The following IL17RC variants were observed in gnomAD, a reference collection of about 807,000 sequenced individuals.
IL17RC encodes the protein interleukin-17 receptor C.
Under a neutral mutation model 86.7 loss-of-function variants are expected in IL17RC, and 53 were observed. The observed-to-expected ratio is 0.61, with a 90% CI of 0.49 to 0.77. IL17RC has a LOEUF of 0.77. IL17RC is among the 30% of genes least tolerant of loss of function. The probability of loss-of-function intolerance (pLI) is 0.00; values close to 1 mark genes in which losing one functional copy is unlikely to be tolerated. For synonymous variants in IL17RC, 439 were observed against 413.1 expected, an observed-to-expected ratio of 1.06 and a Z score of -0.76; for missense variants, 957 against 940.0, an observed-to-expected ratio of 1.02 and a Z score of -0.24.
At chr3:9,928,271 C>T in intron 10 of IL17RC, 34 bp from the exon 11 acceptor site, 1 of 1,613,548 alleles carries the variant, frequency 6.2e-7, no homozygotes, top group African/African-American at 1.3e-5. Context: ...GCGATGGGTA[C>T]CTGGCCTGCG....
At position 9,918,272 on chromosome 3, in the gene IL17RC, G is replaced by A. The variant is rs7623885; in HGVS notation, c.281-63G>A. ...CTGGGCTTTCCAGAAGGAAGCCAAC[G>A]CCAAAGCCAGCCAGCCCAGAGCAGG... On this transcript the variant is annotated intron_variant, in intron 3 of 18. Transcript: ENST00000403601. 972 of 1,474,056 alleles carry A rather than the reference G, an allele frequency of 6.6e-4. 3 individuals are homozygous for A. The African/African-American group carries it at 0.012, about 18-fold the overall frequency. 91.3% of individuals were successfully genotyped at this position (1,474,056 alleles called of 1,614,324 possible).
chr3:9,931,740 C>T (rs1338094209), intron 16 of IL17RC, among the ~76,000 whole-genome samples: 2 of 151,644 alleles, frequency 1.3e-5, no homozygotes, highest in Non-Finnish European at 2.9e-5. Flanking sequence ...CTCCTGACCT[C>T]GTGATCCGCC....
chr3:9,921,264 G>A, intron 7 of IL17RC, among the ~76,000 whole-genome samples: 1 of 152,120 alleles, frequency 6.6e-6, no homozygotes, highest in East Asian at 1.9e-4. Flanking sequence ...AGACGAGCCT[G>A]GGCAACATGG....
chr3:9,930,851 C>G lies in IL17RC; in HGVS notation c.1339-44C>G, dbSNP rs2084585830. ...CACCAGAGCTTGGTGAATATTGGAACACCTGGCTGGTGCCCTGGATTTGGT... is the reference window on the plus strand; with the variant it reads ...CACCAGAGCTTGGTGAATATTGGAAGACCTGGCTGGTGCCCTGGATTTGGT... On this transcript the variant is annotated intron_variant, in intron 15 of 18. Coordinates refer to ENST00000403601, the MANE Select transcript of IL17RC (RefSeq NM_153460.4). The surrounding 1 kb of genome is among the most constrained non-coding windows in gnomAD (Gnocchi z 5.8). 6.3e-7 allele frequency: 1 copy of G among 1,583,892 alleles called. No homozygotes were observed. Among genetic ancestry groups the G allele is most frequent in the Non-Finnish European group, 8.7e-7 (1 of 1,152,426 alleles).
chr3:9,933,445 C>T lies in IL17RC; in HGVS notation c.2015C>T (p.Pro672Leu). 1 of 1,613,136 alleles carries T rather than the reference C, an allele frequency of 6.2e-7. No individual in the cohort carries two copies. Among genetic ancestry groups the T allele is most frequent in the East Asian group, 2.2e-5 (1 of 44,872 alleles). ...FLGALQQPRA[P>L]RSGRLQERAE... is the part of the protein sequence containing the mutation. ...GGGGCCCTGCAGCAGCCTCGCGCCC[C>T]GCGTTCCGGGCGGCTCCAAGAGAGA... Residue 672 changes from proline to leucine, a missense_variant, in exon 19 of 19, where the codon CCG becomes CTG. Coordinates refer to ENST00000403601, the MANE Select transcript of IL17RC (RefSeq NM_153460.4).
rs1302870512 is a variant in IL17RC, at chr3:9,933,229, C to G, written c.1799C>G (p.Pro600Arg). 1.9e-6 allele frequency: 3 copies of G among 1,606,668 alleles called. No homozygotes were observed. In the East Asian group the frequency reaches 6.7e-5, roughly 36 times the overall value. Reference protein sequence around the residue: ...SEWLQDGVSGPGAHGPHDAFR... With the variant: ...SEWLQDGVSGRGAHGPHDAFR... Reference sequence around the variant, plus strand: ...TGGCTACAGGATGGGGTGTCCGGGCCCGGGGCGCACGGCCCGCACGACGCC... The same window carrying G: ...TGGCTACAGGATGGGGTGTCCGGGCGCGGGGCGCACGGCCCGCACGACGCC... The change falls in exon 19 of 19, where the codon CCC (proline) becomes CGC (arginine). Residue 600 changes from proline (P) to arginine (R), a missense_variant. Transcript: ENST00000403601.
At chr3:9,924,354 C>A in intron 9 of IL17RC, 63 bp downstream of exon 9, 1 of 1,503,064 alleles carries the variant, frequency 6.7e-7, no homozygotes, top group South Asian at 1.1e-5. Context: ...GGGGTGATCC[C>A]TGCCTTCCTG....
At chr3:9,923,345 A>G (rs1321130764) in intron 7 of IL17RC, among the ~76,000 whole-genome samples, 2 of 151,848 alleles carry the variant, frequency 1.3e-5, no homozygotes, top group African/African-American at 4.8e-5. Context: ...TGAGGTTAGG[A>G]GCTCAAGACC....
At chr3:9,928,736 T>A in intron 12 of IL17RC, 106 bp downstream of exon 12, 3 of 1,192,288 alleles carry the variant, frequency 2.5e-6, no homozygotes, top group Non-Finnish European at 2.5e-6. Flanking sequence ...GTTGCCAGCT[T>A]CCTCTATGGG....
At position 9,933,234 on chromosome 3, in the gene IL17RC, G is replaced by T. The variant is rs1367679257; in HGVS notation, c.1804G>T (p.Ala602Ser). ...WLQDGVSGPG[A>S]HGPHDAFRAS... ...ACAGGATGGGGTGTCCGGGCCCGGG[G>T]CGCACGGCCCGCACGACGCCTTCCG... Residue 602 changes from alanine (A) to serine (S), a missense_variant, in exon 19 of 19, where the codon GCG (alanine) becomes TCG (serine). Coordinates refer to ENST00000403601, the MANE Select transcript of IL17RC (RefSeq NM_153460.4). 1 of 1,606,454 alleles carries T rather than the reference G, an allele frequency of 6.2e-7. No homozygotes were observed.
At chr3:9,929,590 A>T in intron 12 of IL17RC, 1 of 528,620 alleles carries the variant, frequency 1.9e-6, no homozygotes, top group Non-Finnish European at 3.4e-6. Context: ...TGAGAAGGTT[A>T]GATGAGAGGG....
In IL17RC at chr3:9,930,986, G is replaced by A. The variant is rs763164695; in HGVS notation, c.1387+43G>A. On this transcript the variant is annotated intron_variant, in intron 16 of 18. Coordinates refer to ENST00000403601, the MANE Select transcript of IL17RC (RefSeq NM_153460.4). The surrounding 1 kb of genome is among the most constrained non-coding windows in gnomAD (Gnocchi z 5.8). ...TGCCTTTCCTTTCTGTACCAGGAGTGGGGATCTTGACAGGGACCACTCTTG... is the reference window on the plus strand; with the variant it reads ...TGCCTTTCCTTTCTGTACCAGGAGTAGGGATCTTGACAGGGACCACTCTTG... 3 of 1,552,042 alleles carry A rather than the reference G, an allele frequency of 1.9e-6. No homozygotes were observed. The highest frequency in any genetic ancestry group is 3.3e-5 in the Admixed American group (2 of 59,944).
At chr3:9,917,636 AG>A (rs2083199838) in intron 1 of IL17RC, 76 bp from the exon 2 acceptor site, 1 of 1,613,944 alleles carries the variant, frequency 6.2e-7, no homozygotes, top group Non-Finnish European at 8.5e-7. Context: ...AGAAAAAGGT[AG>A]GTGGAGGTCT....
rs1430415120 is a variant in IL17RC, at chr3:9,930,327, GCTGTAGC to G, written c.1279-69_1279-63del. The G allele has an allele frequency of 1.9e-6, 3 of 1,577,708 alleles. No homozygotes were observed. In the African/African-American group the frequency reaches 4.0e-5, roughly 21 times the overall value. On this transcript the variant is annotated intron_variant, in intron 14 of 18. Coordinates refer to ENST00000403601, the MANE Select transcript of IL17RC (RefSeq NM_153460.4). The surrounding 1 kb of genome is among the most constrained non-coding windows in gnomAD (Gnocchi z 5.8). ...AGTCCCCTCTACCTCATTCTACCCA[GCTGTAGC>G]CTGGTAGGTGCTGCCCTAAGGGTGC... is the stretch of plus-strand genomic sequence containing the variant.
In IL17RC at chr3:9,917,151, A is replaced by G; in HGVS notation, c.-165A>G. On this transcript the variant is annotated 5_prime_UTR_variant, in exon 1 of 19. Coordinates refer to ENST00000403601, the MANE Select transcript of IL17RC (RefSeq NM_153460.4). ...GGAGGAGAGTCAGGACTCCCAGGAC[A>G]GAGAGTGCACAAACTACCCAGCACA... 1 of 611,114 alleles carries G rather than the reference A, an allele frequency of 1.6e-6. No individual in the cohort carries two copies. The highest frequency in any genetic ancestry group is 2.9e-6 in the Non-Finnish European group (1 of 346,406). 37.9% of individuals were successfully genotyped at this position (611,114 alleles called of 1,614,324 possible).
intron 7 of IL17RC, among the ~76,000 whole-genome samples, chr3:9,923,409 C>G (rs1193486634): frequency 6.6e-6 from 1 of 151,220 alleles, no homozygotes. Context: ...AAAAACTAGC[C>G]GGGGGTGGTG....
At position 9,928,636 on chromosome 3, in the gene IL17RC, A is replaced by T. The variant is rs939934389; in HGVS notation, c.1110+6A>T. The T allele has an allele frequency of 6.2e-7, 1 of 1,613,598 alleles. No homozygotes were observed. ...ACCCTAACCTCTGTGTTCAGGTCAG[A>T]AAGGGGTGCATAGTGCTGGGCTGGA... On this transcript the variant is annotated splice_donor_region_variant and intron_variant, in intron 12 of 18. Transcript: ENST00000403601.
chr3:9,922,970 T>C (rs1405234603), intron 7 of IL17RC, among the ~76,000 whole-genome samples: 1 of 148,000 alleles, frequency 6.8e-6, no homozygotes, highest in Admixed American at 6.8e-5. Context: ...GGTCAGGAGA[T>C]CGAGACCATC....
Position 9,920,504 on chromosome 3 carries a change from A to G in IL17RC, c.479A>G (p.Tyr160Cys), listed in dbSNP as rs1363065032. Residue 160 changes from tyrosine (Y) to cysteine (C), a missense_variant, in exon 6 of 19, where the codon TAT becomes TGT. Coordinates refer to ENST00000403601, the MANE Select transcript of IL17RC (RefSeq NM_153460.4). Reference sequence around the variant, plus strand: ...CTCTCCTCACAGGGCTCTGTGGTATATGACTGCTTCGAGGCTGCCCTAGGG... The same window carrying G: ...CTCTCCTCACAGGGCTCTGTGGTATGTGACTGCTTCGAGGCTGCCCTAGGG... Reference protein sequence around the residue: ...QFGQSVGSVVYDCFEAALGSE... With the variant: ...QFGQSVGSVVCDCFEAALGSE... 2 of 1,598,904 alleles carry G rather than the reference A, an allele frequency of 1.3e-6. No individual in the cohort carries two copies. The highest frequency in any genetic ancestry group is 1.7e-6 in the Non-Finnish European group (2 of 1,170,982).
Sources: gnomAD v4.1 joint callset for allele counts (sites outside exome capture counted in the v4.1 genomes callset) on GRCh38, gnomAD v4.1.1 for gene constraint, Gnocchi (gnomAD v3.1) non-coding constraint, MANE v1.5 for transcripts, NCBI Gene and HGNC (gene_info 2026-07-23, HGNC 2026-07-21) for gene names.